The following RAP1GDS1 variants were observed in gnomAD, a reference collection of about 807,000 sequenced individuals.
RAP1GDS1 encodes the protein Rap1 GTPase-GDP dissociation stimulator 1.
Under a neutral mutation model 71.1 loss-of-function variants are expected in RAP1GDS1, and 35 were observed. The ratio of observed to expected loss-of-function variants is 0.49; its 90% confidence interval spans 0.38 to 0.65. The LOEUF (loss-of-function observed/expected upper bound fraction) is 0.65. RAP1GDS1 is among the 30% of genes least tolerant of loss of function. The probability of loss-of-function intolerance (pLI) is 0.00; values close to 1 mark genes in which losing one functional copy is unlikely to be tolerated. For missense variants in RAP1GDS1, 663 were observed against 706.1 expected, an observed-to-expected ratio of 0.94 and a Z score of 0.69; for synonymous variants, 229 against 243.1, an observed-to-expected ratio of 0.94 and a Z score of 0.54.
chr4:98,352,159 A>G (rs1737300828), intron 3 of RAP1GDS1, among the ~76,000 whole-genome samples: 1 of 152,046 alleles, frequency 6.6e-6, no homozygotes, highest in South Asian at 2.1e-4. Flanking sequence ...TATTGCTTCC[A>G]AAGCATATCG....
intron 1 of RAP1GDS1, among the ~76,000 whole-genome samples, chr4:98,290,178 AATTG>A (rs1726724346): frequency 1.3e-5 from 2 of 152,254 alleles, no homozygotes; most frequent in East Asian, 1.9e-4. Context: ...AAAGTGATAG[AATTG>A]ATTAACATTT....
At position 98,264,327 on chromosome 4, in the gene RAP1GDS1, C is replaced by T. The variant is rs543741863; in HGVS notation, c.4+2758C>T. On this transcript the variant is annotated intron_variant, in intron 1 of 14. Transcript: ENST00000408927. ...AGGAGAATCACTTGAACCCGGGAGG[C>T]GGAGTTTGCAGTGAGCCGAGATCAT... is the stretch of plus-strand genomic sequence containing the variant. Among the ~76,000 whole-genome samples the T allele has an allele frequency of 3.6e-3, 540 of 151,880 alleles. 3 individuals are homozygous for T. Among genetic ancestry groups the T allele is most frequent in the African/African-American group, 0.012 (501 of 41,408 alleles).
At chr4:98,412,105 C>A (rs1747153336) in intron 7 of RAP1GDS1, among the ~76,000 whole-genome samples, 1 of 152,112 alleles carries the variant, frequency 6.6e-6, no homozygotes, top group African/African-American at 2.4e-5. Context: ...TTTTAAAAGT[C>A]TTTATTTTTC....
At chr4:98,418,241 T>G (rs936932639) in intron 9 of RAP1GDS1, among the ~76,000 whole-genome samples, 1 of 152,174 alleles carries the variant, frequency 6.6e-6, no homozygotes, top group Admixed American at 6.5e-5. Context: ...TGGTTCATTA[T>G]AATATTCTCT....
chr4:98,298,301 T>C (rs1282398150), intron 2 of RAP1GDS1, among the ~76,000 whole-genome samples: 1 of 152,220 alleles, frequency 6.6e-6, no homozygotes, highest in Non-Finnish European at 1.5e-5. Flanking sequence ...GAGGCTGTGC[T>C]AAACAACAGA....
chr4:98,430,907 C>G (rs1466388336), intron 12 of RAP1GDS1, among the ~76,000 whole-genome samples: 1 of 152,170 alleles, frequency 6.6e-6, no homozygotes, highest in East Asian at 1.9e-4. Context: ...TTTCATGCTG[C>G]TTAGTCATCT....
intron 2 of RAP1GDS1, among the ~76,000 whole-genome samples, chr4:98,307,271 T>C (rs1291596456): frequency 1.3e-5 from 2 of 152,068 alleles, no homozygotes; most frequent in Non-Finnish European, 2.9e-5. Context: ...AATCTGTTTG[T>C]CTAATATTGT....
At chr4:98,363,374 C>T (rs1367253899) in intron 4 of RAP1GDS1, among the ~76,000 whole-genome samples, 1 of 149,050 alleles carries the variant, frequency 6.7e-6, no homozygotes, top group African/African-American at 2.5e-5. Flanking sequence ...ATCCCAGCTA[C>T]TCTGGAGGCT....
intron 4 of RAP1GDS1, among the ~76,000 whole-genome samples, chr4:98,370,620 G>A (rs1740225221): frequency 6.6e-6 from 1 of 150,534 alleles, no homozygotes; most frequent in African/African-American, 2.4e-5. Flanking sequence ...CTGGAGTGCA[G>A]TGGCGCGATC....
chr4:98,396,030 G>A (rs867059129), intron 6 of RAP1GDS1: 54 of 154,606 alleles, frequency 3.5e-4, no homozygotes, highest in Middle Eastern at 3.3e-3. Flanking sequence ...GGGAGCAGGC[G>A]TGTCACATGG....
chr4:98,344,080 T>C (rs1373644440), intron 3 of RAP1GDS1, among the ~76,000 whole-genome samples: 5 of 152,300 alleles, frequency 3.3e-5, no homozygotes, highest in Non-Finnish European at 7.4e-5. Flanking sequence ...ATATGTTGGT[T>C]TGGGCTGGTA....
intron 1 of RAP1GDS1, among the ~76,000 whole-genome samples, chr4:98,288,620 A>G (rs534180623): frequency 6.6e-6 from 1 of 152,312 alleles, no homozygotes; most frequent in African/African-American, 2.4e-5. Flanking sequence ...GACTTCCACA[A>G]TGGTTGAACT....
At chr4:98,264,564 A>G (rs1722471443) in intron 1 of RAP1GDS1, among the ~76,000 whole-genome samples, 1 of 152,220 alleles carries the variant, frequency 6.6e-6, no homozygotes, top group Non-Finnish European at 1.5e-5. Context: ...AGTGTACTGT[A>G]CTACAGTGTA....
At chr4:98,439,791 G>A (rs1751656023) in intron 14 of RAP1GDS1, among the ~76,000 whole-genome samples, 1 of 152,106 alleles carries the variant, frequency 6.6e-6, no homozygotes, top group South Asian at 2.1e-4. Context: ...GAGACTTTGA[G>A]TCTCTTCCAT....
chr4:98,340,227 C>T (rs184707055), intron 2 of RAP1GDS1, among the ~76,000 whole-genome samples: 4 of 152,208 alleles, frequency 2.6e-5, no homozygotes, highest in Non-Finnish European at 5.9e-5. Context: ...ACACACACAT[C>T]GCAGCACTAT....
chr4:98,378,932 G>T (rs2110104634), intron 4 of RAP1GDS1, 85 bp from the exon 5 acceptor site: 1 of 1,233,404 alleles, frequency 8.1e-7, no homozygotes, highest in South Asian at 1.6e-5. Context: ...ACAAAATAAA[G>T]AATAACACTG....
chr4:98,427,838 C>T (rs1461477250), intron 12 of RAP1GDS1, among the ~76,000 whole-genome samples: 1 of 152,102 alleles, frequency 6.6e-6, no homozygotes, highest in African/African-American at 2.4e-5. Flanking sequence ...CACCATCATT[C>T]TTCACAGAAC....
rs190885683 is a variant in RAP1GDS1 at position 98,359,244 on chromosome 4, A to T, written c.361+6643A>T. Among the ~76,000 whole-genome samples, 146 of 152,280 alleles carry T rather than the reference A, an allele frequency of 9.6e-4. 1 individual carries two copies. The highest frequency in any genetic ancestry group is 1.7e-3 in the Non-Finnish European group (114 of 68,004). ...GTATTTGTTGGGTTAGGACCTAGGG[A>T]CAAAAGCAGAGTAAATTTCCTAGAA... On this transcript the variant is annotated intron_variant, in intron 4 of 14. Transcript: ENST00000408927.
At chr4:98,407,509 GCTATAAAAAAGAATGAAATAATGT>G (rs1278892032) in intron 7 of RAP1GDS1, among the ~76,000 whole-genome samples, 1 of 151,692 alleles carries the variant, frequency 6.6e-6, no homozygotes, top group African/African-American at 2.4e-5. Context: ...ATACTACTCA[GCTATAAAAAAGAATGAAATAATGT>G]CTTTTGCAGC....
Sources: allele counts gnomAD v4.1 joint callset (sites outside exome capture counted in the v4.1 genomes callset), GRCh38; gene constraint gnomAD v4.1.1; transcripts MANE v1.5; gene names NCBI Gene and HGNC (gene_info 2026-07-23, HGNC 2026-07-21).